LRP5: variants seen among roughly 807,000 people sequenced by gnomAD.
The protein encoded by LRP5 is LDL receptor related protein 5, also known as low-density lipoprotein receptor-related protein 5.
In LRP5, 62 loss-of-function variants were observed where a neutral mutation model predicts 154.1. The observed-to-expected ratio is 0.40, with a 90% CI of 0.33 to 0.50. LRP5 has a LOEUF of 0.50. Among genes scored for constraint, LRP5 ranks in the 20% least tolerant of loss-of-function variants. LRP5 has a pLI of 0.55. For synonymous variants in LRP5, 966 were observed against 1,011.5 expected (o/e 0.96, Z 0.85); for missense variants, 1,915 against 2,336.7 (o/e 0.82, Z 3.72).
In LRP5 at chr11:68,425,290, C is replaced by T; in HGVS notation, c.3425C>T (p.Ser1142Leu). 6.2e-7 allele frequency: 1 copy of T among 1,605,566 alleles called. No homozygotes were observed. The highest frequency in any genetic ancestry group is 8.5e-7 in the Non-Finnish European group (1 of 1,179,440). Residue 1142 changes from serine (S) to leucine (L), a missense_variant and splice_region_variant, in exon 15 of 23, where the codon TCA (serine) becomes TTA (leucine). Ser to Leu is a moderately radical substitution (Grantham distance 145, BLOSUM62 -2). Around this residue, in one of 3 missense-constraint regions of LRP5, gnomAD observed 1,094 missense variants for 1,210.1 expected, o/e 0.90. Transcript: ENST00000294304. ...AAGCGCATTGAGAGCTGTGACCTGT[C>T]AGGTACGCGCCCCGGGGCCTGCCCT... Reference protein sequence around the residue: ...DLKRIESCDLSGANRLTLEDA... With the variant: ...DLKRIESCDLLGANRLTLEDA...
chr11:68,339,255 A>C (rs1013868859), intron 1 of LRP5, among the ~76,000 whole-genome samples: 5 of 151,352 alleles, frequency 3.3e-5, no homozygotes. Context: ...AGCTCACCGC[A>C]ACCTCCACCT....
Position 68,332,041 on chromosome 11 carries a change from G to A in LRP5, c.92-15806G>A, listed in dbSNP as rs539799580. ...AGCACCTGATGTACACAGACCTTGG[G>A]GGTGCAGCTCCAGGCTTTCTCTCTC... On this transcript the variant is annotated intron_variant, in intron 1 of 22. Coordinates refer to ENST00000294304, the MANE Select transcript of LRP5 (RefSeq NM_002335.4). Among the ~76,000 whole-genome samples, 6 of 152,158 alleles carry A rather than the reference G, an allele frequency of 3.9e-5. No individual in the cohort carries two copies. In the South Asian group the frequency reaches 8.3e-4, roughly 21 times the overall value.
chr11:68,303,790 G>T, the LRP5 span, among the ~76,000 whole-genome samples: 1 of 152,210 alleles, frequency 6.6e-6, no homozygotes, highest in Admixed American at 6.5e-5. Context: ...ACCAAGCGTG[G>T]CCATAAATTT....
At chr11:68,426,286 G>C (rs897427172) in intron 16 of LRP5, 99 bp downstream of exon 16, 2 of 1,039,732 alleles carry the variant, frequency 1.9e-6, no homozygotes, top group African/African-American at 3.1e-5. Flanking sequence ...GCCTCAGCCA[G>C]GCGGTGGTCT....
chr11:68,433,725 C>G lies in LRP5; in HGVS notation c.3887C>G (p.Pro1296Arg), dbSNP rs2098673260. ...GACCAGAGCGACGAGGAGGGCTGCC[C>G]CGTGTGCTCCGCCGCCCAGTTCCCC... ...CDDQSDEEGC[P>R]VCSAAQFPCA... The change falls in exon 18 of 23, where the codon CCC becomes CGC. Residue 1296 changes from proline to arginine, a missense_variant. Physicochemically the swap from Pro to Arg is moderately radical, Grantham distance 103. This residue lies in a region of LRP5 where 1,094 missense variants were observed against 1,210.1 expected (regional missense o/e 0.90). Coordinates refer to ENST00000294304, the MANE Select transcript of LRP5 (RefSeq NM_002335.4). 4.3e-6 allele frequency: 7 copies of G among 1,612,922 alleles called. No homozygotes were observed. Among genetic ancestry groups the G allele is most frequent in the Non-Finnish European group, 5.9e-6 (7 of 1,179,928 alleles).
intron 1 of LRP5, among the ~76,000 whole-genome samples, chr11:68,317,914 T>TGGACC (rs1297749795): frequency 6.6e-6 from 1 of 152,120 alleles, no homozygotes; most frequent in East Asian, 1.9e-4. Context: ...TCTCTTGCTG[T>TGGACC]GGACCCCCTG....
At chr11:68,405,099 A>G (rs1276811118) in intron 8 of LRP5, among the ~76,000 whole-genome samples, 1 of 151,714 alleles carries the variant, frequency 6.6e-6, no homozygotes, top group African/African-American at 2.4e-5. Context: ...TAGAGGTTGT[A>G]GTGAGCCCGT....
At chr11:68,322,216 C>T (rs975462653) in intron 1 of LRP5, among the ~76,000 whole-genome samples, 2 of 152,044 alleles carry the variant, frequency 1.3e-5, no homozygotes, top group African/African-American at 4.8e-5. Context: ...GCACTGTAGA[C>T]ACAGGCCCCA....
chr11:68,358,218 C>T (rs184929590), intron 3 of LRP5, among the ~76,000 whole-genome samples: 5 of 152,186 alleles, frequency 3.3e-5, no homozygotes, highest in East Asian at 1.9e-4. Flanking sequence ...CAGGCTCAAG[C>T]GATCCTCCCG....
chr11:68,319,391 T>C (rs1450436479), intron 1 of LRP5, among the ~76,000 whole-genome samples: 3 of 152,136 alleles, frequency 2.0e-5, no homozygotes, highest in Non-Finnish European at 4.4e-5. Context: ...TTTTAAAATT[T>C]GTCGTTGAGA....
chr11:68,356,143 C>T (rs1055370796), intron 2 of LRP5, among the ~76,000 whole-genome samples: 4 of 133,274 alleles, frequency 3.0e-5, no homozygotes, highest in Non-Finnish European at 6.4e-5. Flanking sequence ...CGCACCCAGC[C>T]TTTTTTTTTT....
the LRP5 span, among the ~76,000 whole-genome samples, chr11:68,303,195 G>T: frequency 6.6e-6 from 1 of 152,296 alleles, no homozygotes; most frequent in Non-Finnish European, 1.5e-5. Context: ...GCAGTGATGT[G>T]ATCACAGCTC....
the LRP5 span, among the ~76,000 whole-genome samples, chr11:68,306,561 G>A: frequency 6.6e-6 from 1 of 152,074 alleles, no homozygotes; most frequent in Non-Finnish European, 1.5e-5. Flanking sequence ...TCCTAACTTG[G>A]TTAACATTCA....
At position 68,363,935 on chromosome 11, in the gene LRP5, A is replaced by T; in HGVS notation, c.875A>T (p.Gln292Leu). The T allele has an allele frequency of 6.3e-7, 1 of 1,594,604 alleles. No individual in the cohort carries two copies. Among genetic ancestry groups the T allele is most frequent in the Admixed American group, 1.7e-5 (1 of 58,938 alleles). The change falls in exon 4 of 23, where the codon CAG becomes CTG. Residue 292 changes from glutamine to leucine, a missense_variant. Physicochemically the swap from Gln to Leu is moderately radical, Grantham distance 113. Transcript: ENST00000294304. ...MDIQVLSQERQPFFHTRCEED... is the reference protein window; with the variant it reads ...MDIQVLSQERLPFFHTRCEED... ...ATCCAGGTGCTGAGCCAGGAGCGGC[A>T]GCCTTTCTGTGAGTGCCGGCTGGGG...
chr11:68,318,529 G>A (rs991491775), intron 1 of LRP5, among the ~76,000 whole-genome samples: 4 of 151,852 alleles, frequency 2.6e-5, no homozygotes, highest in African/African-American at 9.7e-5. Flanking sequence ...TGTAGAGACA[G>A]GGTTTCACTA....
chr11:68,369,745 C>G (rs1408784555), intron 5 of LRP5, among the ~76,000 whole-genome samples: 1 of 152,138 alleles, frequency 6.6e-6, no homozygotes, highest in Non-Finnish European at 1.5e-5. Context: ...TATCAGAGTT[C>G]CAGGAACGGG....
upstream of LRP5, among the ~76,000 whole-genome samples, chr11:68,308,248 G>C (rs1431427682): frequency 6.6e-6 from 1 of 152,216 alleles, no homozygotes; most frequent in East Asian, 1.9e-4. Context: ...AGTCAGTCCT[G>C]CCGGGTTGGG....
At chr11:68,443,560 TATATATATATATATA>T (rs1366272490) in intron 21 of LRP5, among the ~76,000 whole-genome samples, 528 of 37,796 alleles carry the variant, frequency 0.014, 27 homozygotes, top group African/African-American at 0.061. Context: ...TATATATATA[TATATATATATATATA>T]TATATATATA....
At chr11:68,354,559 T>G (rs1483814570) in intron 2 of LRP5, among the ~76,000 whole-genome samples, 1 of 152,078 alleles carries the variant, frequency 6.6e-6, no homozygotes, top group East Asian at 1.9e-4. Flanking sequence ...GACGTGCAGG[T>G]AAAGCAAGGC....
Sources: gnomAD v4.1 joint callset for allele counts (sites outside exome capture counted in the v4.1 genomes callset) on GRCh38, gnomAD v4.1.1 for gene constraint, gnomAD v4.1.1 regional missense constraint, MANE v1.5 for transcripts, NCBI Gene and HGNC (gene_info 2026-07-23, HGNC 2026-07-21) for gene names.